The following BTN2A2 variants were observed in gnomAD, a reference collection of about 807,000 sequenced individuals.
BTN2A2 encodes butyrophilin subfamily 2 member A2.
Under a neutral mutation model 34.7 loss-of-function variants are expected in BTN2A2, and 29 were observed. That is an observed-to-expected ratio of 0.84 (90% CI 0.62 to 1.14). The LOEUF (loss-of-function observed/expected upper bound fraction) is 1.14, where lower values mean the gene tolerates loss of function less well. Among genes scored for constraint, BTN2A2 ranks in the 50% most tolerant of loss-of-function variants. BTN2A2 has a pLI of 0.00. For missense variants in BTN2A2, 612 were observed against 651.5 expected (o/e 0.94, Z 0.66); for synonymous variants, 240 against 253.1 (o/e 0.95, Z 0.49).
rs764275832 is a variant in BTN2A2, at chr6:26,392,725, T to G, written c.1330T>G (p.Cys444Gly). The G allele has an allele frequency of 4.3e-6, 7 of 1,614,116 alleles. No homozygotes were observed. Among genetic ancestry groups the G allele is most frequent in the Non-Finnish European group, 5.9e-6 (7 of 1,180,036 alleles). ...ERILPLKESL[C>G]RVGVFLDYEA... ...GATTCTCCCTTTGAAGGAGTCCCTT[T>G]GCCGGGTGGGCGTCTTCCTGGACTA... is the stretch of plus-strand genomic sequence containing the variant. Residue 444 changes from cysteine (C) to glycine (G), a missense_variant, in exon 8 of 8, where the codon TGC becomes GGC. Transcript: ENST00000356709.
chr6:26,386,093 C>G (rs1419283413), intron 3 of BTN2A2, among the ~76,000 whole-genome samples: 3 of 151,926 alleles, frequency 2.0e-5, no homozygotes, highest in Admixed American at 2.0e-4. Context: ...TTCTTCTTTC[C>G]TGAAATACTG....
At chr6:26,387,312 C>A (rs1761264003) in intron 3 of BTN2A2, among the ~76,000 whole-genome samples, 1 of 152,206 alleles carries the variant, frequency 6.6e-6, no homozygotes, top group African/African-American at 2.4e-5. Flanking sequence ...TAAGAATTGG[C>A]TTTGCCAGCT....
rs756577831 is a variant in BTN2A2 at position 26,383,654 on chromosome 6, T to C, written c.-30-138T>C. The C allele has an allele frequency of 1.3e-4, 90 of 689,504 alleles. No individual in the cohort carries two copies. The highest frequency in any genetic ancestry group is 2.3e-4 in the Non-Finnish European group (87 of 385,816). The allele number at this position is 689,504 out of a possible 1,614,324, so 42.7% of individuals were successfully genotyped here. A position where few individuals can be genotyped will look rare whatever the true frequency, so the allele number is the denominator to read the frequency against. On this transcript the variant is annotated intron_variant, in intron 1 of 7. Transcript: ENST00000356709. This position sits in a 1 kb window ranked among gnomAD's most constrained non-coding sequence, Gnocchi z 4.4. Reference sequence around the variant, plus strand: ...GTTTACGGAATCCCTCTTTCGGAGATACCTGAGCCTTGAGATGCAAGCGAC... The same window carrying C: ...GTTTACGGAATCCCTCTTTCGGAGACACCTGAGCCTTGAGATGCAAGCGAC...
At chr6:26,390,924 A>G (rs1581604889) in intron 7 of BTN2A2, 95 bp downstream of exon 7, 7 of 1,586,460 alleles carry the variant, frequency 4.4e-6, no homozygotes, top group East Asian at 2.2e-5. Context: ...GCCCAGGGCT[A>G]CACAGGGACC....
At position 26,388,097 on chromosome 6, in the gene BTN2A2, C is replaced by A. The variant is rs767147458; in HGVS notation, c.527C>A (p.Pro176Gln). 29 of 1,613,880 alleles carry A rather than the reference C, an allele frequency of 1.8e-5. No homozygotes were observed. The Middle Eastern group carries it at 4.9e-4, about 27-fold the overall frequency. ...WLECISGGWYPEPLTVWRDPY... is the reference protein window; with the variant it reads ...WLECISGGWYQEPLTVWRDPY... ...GAGTGCATATCTGGAGGGTGGTACC[C>A]AGAGCCCCTCACAGTGTGGAGGGAC... The change falls in exon 4 of 8, where the codon CCA becomes CAA. Residue 176 changes from proline (P) to glutamine (Q), a missense_variant. Physicochemically the swap from Pro to Gln is moderately conservative, Grantham distance 76. Coordinates refer to ENST00000356709, the MANE Select transcript of BTN2A2 (RefSeq NM_006995.5).
At chr6:26,387,532 A>G (rs2113749382) in intron 3 of BTN2A2, among the ~76,000 whole-genome samples, 1 of 150,016 alleles carries the variant, frequency 6.7e-6, no homozygotes, top group Admixed American at 6.6e-5. Flanking sequence ...GGAGTTTGAG[A>G]CCAGCCTGGG....
Position 26,394,428 on chromosome 6 carries a change from G to C in BTN2A2, c.*1461G>C, listed in dbSNP as rs1761769532. The C allele has an allele frequency of 1.2e-5, 8 of 658,594 alleles. No individual in the cohort carries two copies. The East Asian group carries it at 2.3e-4, about 19-fold the overall frequency. The allele number at this position is 658,594 out of a possible 1,614,324, so 40.8% of individuals were successfully genotyped here. A position where few individuals can be genotyped will look rare whatever the true frequency, so the allele number is the denominator to read the frequency against. ...GGAAATTCTCTCCTTCTGTTGGCTG[G>C]GTGCCCAATACAACAAAAAGGCAGA... On this transcript the variant is annotated 3_prime_UTR_variant, in exon 8 of 8. Transcript: ENST00000356709.
Position 26,393,515 on chromosome 6 carries a change from G to A in BTN2A2, c.*548G>A. ...TAAGAGCTAAAGGGTCCTGGGAGAT[G>A]ATGGCTCATTTCCACCCAACCCCAG... On this transcript the variant is annotated 3_prime_UTR_variant, in exon 8 of 8. Transcript: ENST00000356709. The A allele has an allele frequency of 9.8e-7, 1 of 1,016,364 alleles. No homozygotes were observed. The highest frequency in any genetic ancestry group is 9.7e-5 in the East Asian group (1 of 10,288). The allele number at this position is 1,016,364 out of a possible 1,614,324, so 63.0% of individuals were successfully genotyped here.
intron 5 of BTN2A2, chr6:26,390,479 A>G (rs907401712): frequency 1.9e-5 from 14 of 729,022 alleles, no homozygotes; most frequent in African/African-American, 8.8e-5. Flanking sequence ...TGGCTGAACG[A>G]AAGTTCAGAC....
chr6:26,392,091 A>G, intron 7 of BTN2A2: 1 of 824,692 alleles, frequency 1.2e-6, no homozygotes, highest in Non-Finnish European at 1.9e-6. Flanking sequence ...GAATGCTGAG[A>G]AAAACTGGGA....
At chr6:26,392,219 CAG>C in intron 7 of BTN2A2, 154 bp from the exon 8 acceptor site, 1 of 1,546,488 alleles carries the variant, frequency 6.5e-7, no homozygotes, top group Non-Finnish European at 8.7e-7. Flanking sequence ...CCGTAATTCT[CAG>C]GGTATGAGCT....
At chr6:26,390,777 C>A (rs17537465) in intron 6 of BTN2A2, 26 bp from the exon 7 acceptor site, 198,587 of 1,614,110 alleles carry the variant, frequency 0.12, 13,130 homozygotes, top group Admixed American at 0.18. Flanking sequence ...TGTCTCGTGA[C>A]ATTCACCTCT....
chr6:26,391,038 TC>T, intron 7 of BTN2A2: 1 of 671,622 alleles, frequency 1.5e-6, no homozygotes, highest in South Asian at 1.8e-5. Context: ...GCAGTTTACA[TC>T]CCCAGGACCC....
Position 26,392,441 on chromosome 6 carries a change from T to G in BTN2A2, c.1046T>G (p.Val349Gly). The G allele has an allele frequency of 6.2e-7, 1 of 1,614,226 alleles. No homozygotes were observed. The highest frequency in any genetic ancestry group is 1.1e-5 in the South Asian group (1 of 91,082). ...TTCCTGTCAGAGGACCGGAGAAGTG[T>G]GAGGCGGGGCCCCTACAGGCAGAGA... ...ELFLSEDRRS[V>G]RRGPYRQRVP... The change falls in exon 8 of 8, where the codon GTG becomes GGG. Residue 349 changes from valine to glycine, a missense_variant. Val to Gly is a moderately radical substitution (Grantham distance 109, BLOSUM62 -3). Transcript: ENST00000356709.
intron 3 of BTN2A2, chr6:26,385,599 G>A (rs1761145886): frequency 2.2e-6 from 1 of 453,772 alleles, no homozygotes; most frequent in African/African-American, 2.0e-5. Context: ...TGCCCAGGCT[G>A]GAGTGCAGTG....
At position 26,392,691 on chromosome 6, in the gene BTN2A2, C is replaced by T. The variant is rs1300942359; in HGVS notation, c.1296C>T (p.Ser432=). ...MFGNQYRALS[S]PERILPLKES... The stretch of plus-strand genomic sequence containing the variant: ...GAAACCAATACCGGGCCCTGTCCTC[C>T]CCTGAGAGGATTCTCCCTTTGAAGG... The change falls in exon 8 of 8, where the codon TCC becomes TCT. Residue 432 remains serine, a synonymous_variant. Coordinates refer to ENST00000356709, the MANE Select transcript of BTN2A2 (RefSeq NM_006995.5). The T allele has an allele frequency of 6.2e-7, 1 of 1,614,186 alleles. No individual in the cohort carries two copies. The highest frequency in any genetic ancestry group is 1.7e-5 in the Admixed American group (1 of 60,028).
Position 26,389,988 on chromosome 6 carries a change from T to C in BTN2A2, c.725-17T>C. 1.2e-6 allele frequency: 2 copies of C among 1,610,058 alleles called. No homozygotes were observed. Among genetic ancestry groups the C allele is most frequent in the South Asian group, 1.1e-5 (1 of 90,880 alleles). ...TTCTATTTCAAACTAAATGGACTTT[T>C]CTGGCTGCCTTTTCAGAATCCTTTA... On this transcript the variant is annotated splice_polypyrimidine_tract_variant and intron_variant, in intron 4 of 7. Coordinates refer to ENST00000356709, the MANE Select transcript of BTN2A2 (RefSeq NM_006995.5).
Position 26,384,759 on chromosome 6 carries a change from C to G in BTN2A2, c.95-256C>G, listed in dbSNP as rs942797337. 6.6e-6 allele frequency among the ~76,000 whole-genome samples: 1 copy of G among 152,140 alleles called. No homozygotes were observed. The highest frequency in any genetic ancestry group is 2.4e-5 in the African/African-American group (1 of 41,432). ...TCTCAGGGGCACAGGGTGCCCAGGG[C>G]GGGCTCCCCAATGTTTCCTTCGTGA... On this transcript the variant is annotated intron_variant, in intron 2 of 7. Transcript: ENST00000356709. This position sits in a 1 kb window ranked among gnomAD's most constrained non-coding sequence, Gnocchi z 4.0.
At chr6:26,390,311 C>A in intron 5 of BTN2A2, 100 bp downstream of exon 5, 1 of 1,232,226 alleles carries the variant, frequency 8.1e-7, no homozygotes, top group Non-Finnish European at 1.1e-6. Flanking sequence ...AAGGCCACAG[C>A]TCTCACAGGT....
Sources: gnomAD v4.1 joint callset for allele counts (sites outside exome capture counted in the v4.1 genomes callset) on GRCh38, gnomAD v4.1.1 for gene constraint, Gnocchi (gnomAD v3.1) non-coding constraint, MANE v1.5 for transcripts, NCBI Gene and HGNC (gene_info 2026-07-23, HGNC 2026-07-21) for gene names.